Variants in YJU2B observed in about 807,000 individuals in gnomAD.
YJU2B encodes probable splicing factor YJU2B.
YJU2B carries 18 observed loss-of-function variants against 38.0 expected under a neutral mutation model. The observed-to-expected ratio is 0.47, with a 90% CI of 0.33 to 0.70. The LOEUF (loss-of-function observed/expected upper bound fraction) is 0.70, where lower values mean the gene tolerates loss of function less well. Ranked by LOEUF, YJU2B falls within the 30% of genes least tolerant of loss-of-function variation. The pLI is 0.02. For missense variants in YJU2B, 538 were observed against 556.3 expected (o/e 0.97, Z 0.33); for synonymous variants, 246 against 225.4 (o/e 1.09, Z -0.82).
In YJU2B at chr19:13,759,019, C is replaced by T. The variant is rs1973776018; in HGVS notation, c.400+9C>T. On this transcript the variant is annotated intron_variant, in intron 7 of 9. Transcript: ENST00000221554. ...GCAGGTGCTGACCACAGGTGAGCGCCACCCACTTACCTGCCTGGGGGCCCT... is the reference window on the plus strand; with the variant it reads ...GCAGGTGCTGACCACAGGTGAGCGCTACCCACTTACCTGCCTGGGGGCCCT... The T allele has an allele frequency of 6.2e-7, 1 of 1,612,556 alleles. No homozygotes were observed. The highest frequency in any genetic ancestry group is 8.5e-7 in the Non-Finnish European group (1 of 1,179,220).
At chr19:13,733,540 G>A (rs1048645898) in intron 2 of YJU2B, among the ~76,000 whole-genome samples, 4 of 152,044 alleles carry the variant, frequency 2.6e-5, no homozygotes, top group African/African-American at 2.4e-5. Flanking sequence ...TGACCAACAT[G>A]GAGAAACCCT....
At chr19:13,734,586 G>C (rs143189829) in intron 2 of YJU2B, among the ~76,000 whole-genome samples, 1 of 151,442 alleles carries the variant, frequency 6.6e-6, no homozygotes, top group Non-Finnish European at 1.5e-5. Context: ...CACCGCGCCC[G>C]GCCCTTTTTT....
At chr19:13,760,425 G>A (rs1014844157) in intron 8 of YJU2B, among the ~76,000 whole-genome samples, 2 of 152,066 alleles carry the variant, frequency 1.3e-5, no homozygotes, top group African/African-American at 4.8e-5. Flanking sequence ...TGAGGACGTA[G>A]CCCTTCTGAC....
intron 8 of YJU2B, among the ~76,000 whole-genome samples, chr19:13,760,418 G>C (rs1449607547): frequency 6.6e-6 from 1 of 152,024 alleles, no homozygotes; most frequent in Non-Finnish European, 1.5e-5. Flanking sequence ...TCATTGGTGA[G>C]GACGTAGCCC....
intron 2 of YJU2B, among the ~76,000 whole-genome samples, chr19:13,739,063 C>CTAAA (rs1421274405): frequency 1.3e-5 from 2 of 152,044 alleles, no homozygotes; most frequent in African/African-American, 2.4e-5. Flanking sequence ...GACTCCATCT[C>CTAAA]TAAATAAATA....
At position 13,759,103 on chromosome 19, in the gene YJU2B, A is replaced by G; in HGVS notation, c.404A>G (p.His135Arg). 4.3e-6 allele frequency: 7 copies of G among 1,613,726 alleles called. No individual in the cohort carries two copies. The highest frequency in any genetic ancestry group is 5.1e-6 in the Non-Finnish European group (6 of 1,179,908). Residue 135 changes from histidine (H) to arginine (R), a missense_variant, in exon 8 of 10, where the codon CAT becomes CGT. Transcript: ENST00000221554. ...ADNEQVLTTEHEKKQKLETDA... is the reference protein window; with the variant it reads ...ADNEQVLTTEREKKQKLETDA... ...AGCCGAGCTCTGATCGTTGCAGAGC[A>G]TGAGAAGAAGCAGAAGCTGGAGACG...
intron 2 of YJU2B, among the ~76,000 whole-genome samples, chr19:13,739,402 T>G (rs750480461): frequency 6.6e-5 from 10 of 152,218 alleles, no homozygotes; most frequent in Non-Finnish European, 1.3e-4. Context: ...TAATATGTTT[T>G]GATATTTGAC....
intron 8 of YJU2B, among the ~76,000 whole-genome samples, chr19:13,759,797 ATTTT>A (rs3059654): frequency 1.5e-5 from 2 of 129,852 alleles, no homozygotes; most frequent in African/African-American, 3.0e-5. Context: ...CGCCTGGCTA[ATTTT>A]TTTTTTTTTT....
upstream of YJU2B, among the ~76,000 whole-genome samples, chr19:13,743,529 G>A (rs1055843869): frequency 6.8e-5 from 10 of 148,106 alleles, no homozygotes; most frequent in African/African-American, 1.3e-4. Flanking sequence ...GCAGTGAGCC[G>A]AGATCATGCC....
chr19:13,762,936 A>C lies in YJU2B; in HGVS notation c.1059A>C (p.Glu353Asp). The C allele has an allele frequency of 1.2e-6, 2 of 1,611,950 alleles. No homozygotes were observed. The highest frequency in any genetic ancestry group is 1.7e-6 in the Non-Finnish European group (2 of 1,179,792). The change falls in exon 10 of 10, where the codon GAA becomes GAC. Residue 353 changes from glutamate to aspartate, a missense_variant. Transcript: ENST00000221554. ...AGTGCAGCAGCCCGAGGGGGCAGGA[A>C]GGGAGCCGTCAGGACAAGCCCCTGT... ...TPKCSSPRGQ[E>D]GSRQDKPLSP...
In YJU2B at chr19:13,759,080, C is replaced by G; in HGVS notation, c.401-20C>G. The G allele has an allele frequency of 1.2e-6, 2 of 1,613,160 alleles. No homozygotes were observed. The highest frequency in any genetic ancestry group is 1.7e-6 in the Non-Finnish European group (2 of 1,179,616). ...CTGCGCTGGGGCCCCCAAAGCCCAGCCGAGCTCTGATCGTTGCAGAGCATG... is the reference window on the plus strand; with the variant it reads ...CTGCGCTGGGGCCCCCAAAGCCCAGGCGAGCTCTGATCGTTGCAGAGCATG... On this transcript the variant is annotated intron_variant, in intron 7 of 9. Coordinates refer to ENST00000221554, the MANE Select transcript of YJU2B (RefSeq NM_030818.4).
intron 2 of YJU2B, among the ~76,000 whole-genome samples, chr19:13,738,793 G>T (rs1023618497): frequency 1.3e-5 from 2 of 152,080 alleles, no homozygotes; most frequent in Non-Finnish European, 1.5e-5. Context: ...GGGAGGCTGA[G>T]GCAGGAGAAT....
At chr19:13,752,076 C>T (rs1973489548) in intron 2 of YJU2B, among the ~76,000 whole-genome samples, 1 of 152,082 alleles carries the variant, frequency 6.6e-6, no homozygotes, top group South Asian at 2.1e-4. Flanking sequence ...GCTCTCGGCT[C>T]ACTGCAACCT....
Position 13,754,304 on chromosome 19 carries a change from G to T in YJU2B, c.19G>T (p.Val7Phe). 1 of 1,613,710 alleles carries T rather than the reference G, an allele frequency of 6.2e-7. No homozygotes were observed. The highest frequency in any genetic ancestry group is 8.5e-7 in the Non-Finnish European group (1 of 1,179,612). Residue 7 changes from valine to phenylalanine, a missense_variant, in exon 3 of 10, where the codon GTC (valine) becomes TTC (phenylalanine). Physicochemically the swap from Val to Phe is conservative, Grantham distance 50. Transcript: ENST00000221554. The stretch of plus-strand genomic sequence containing the variant: ...TGCTTTGCAGGGTGAAAGGAAAGGG[G>T]TCAACAAGTACTATCCTCCAGACTT... MGERKG[V>F]NKYYPPDFNP...
intron 2 of YJU2B, among the ~76,000 whole-genome samples, chr19:13,738,464 A>G (rs1156668888): frequency 6.6e-6 from 1 of 152,202 alleles, no homozygotes; most frequent in Non-Finnish European, 1.5e-5. Context: ...TTTGCCAGAT[A>G]AAAACAAAAT....
chr19:13,753,747 C>T lies in YJU2B; in HGVS notation c.4-542C>T, dbSNP rs530284070. Among the ~76,000 whole-genome samples the T allele has an allele frequency of 4.6e-5, 7 of 152,134 alleles. No homozygotes were observed. The East Asian group carries it at 1.4e-3, about 29-fold the overall frequency. The stretch of plus-strand genomic sequence containing the variant: ...TTCACGTGGCAGCAGCAAGAATGAG[C>T]AAGAGGAAAAGCTCCTTGTAAAACC... On this transcript the variant is annotated intron_variant, in intron 2 of 9. Coordinates refer to ENST00000221554, the MANE Select transcript of YJU2B (RefSeq NM_030818.4).
At chr19:13,761,223 C>A (rs1400232554) in intron 8 of YJU2B, among the ~76,000 whole-genome samples, 1 of 149,842 alleles carries the variant, frequency 6.7e-6, no homozygotes. Context: ...ACTAAAAATG[C>A]AAAAAAAAAT....
chr19:13,753,624 T>C (rs1330419289), intron 2 of YJU2B, among the ~76,000 whole-genome samples: 1 of 137,262 alleles, frequency 7.3e-6, no homozygotes, highest in East Asian at 2.1e-4. Context: ...GGGTAATTTA[T>C]AAAGGAAAGA....
chr19:13,751,042 G>C (rs571913102), intron 1 of YJU2B, among the ~76,000 whole-genome samples: 1 of 152,106 alleles, frequency 6.6e-6, no homozygotes, highest in Non-Finnish European at 1.5e-5. Context: ...CCCACAGGCC[G>C]TGGGAAGGGG....
Sources: allele counts gnomAD v4.1 joint callset (sites outside exome capture counted in the v4.1 genomes callset), GRCh38; gene constraint gnomAD v4.1.1; transcripts MANE v1.5; gene names NCBI Gene and HGNC (gene_info 2026-07-23, HGNC 2026-07-21).